SPDL1: variants seen among roughly 807,000 people sequenced by gnomAD.
The protein encoded by SPDL1 is spindle apparatus coiled-coil protein 1.
Under a neutral mutation model 79.5 loss-of-function variants are expected in SPDL1, and 85 were observed. The observed-to-expected ratio is 1.07, with a 90% confidence interval of 0.90 to 1.28. The LOEUF (loss-of-function observed/expected upper bound fraction) is 1.28, where lower values mean the gene tolerates loss of function less well. Ranked by LOEUF, SPDL1 falls within the 50% of genes most tolerant of loss-of-function variation. The probability of loss-of-function intolerance (pLI) is 0.00; values close to 1 mark genes in which losing one functional copy is unlikely to be tolerated. For missense variants in SPDL1, 703 were observed against 697.8 expected, an observed-to-expected ratio of 1.01 and a Z score of -0.08; for synonymous variants, 269 against 240.3, an observed-to-expected ratio of 1.12 and a Z score of -1.10.
Position 169,594,696 on chromosome 5 carries a change from C to T in SPDL1, c.891+15C>T, listed in dbSNP as rs1292479479. 10 of 1,575,176 alleles carry T rather than the reference C, an allele frequency of 6.3e-6. No individual in the cohort carries two copies. The highest frequency in any genetic ancestry group is 8.7e-6 in the Non-Finnish European group (10 of 1,147,560). Reference sequence around the variant, plus strand: ...AGAGAATGAAGGTATAGAACTTTCACTATCAAAGGTTTATTAAACAAATTT... The same window carrying T: ...AGAGAATGAAGGTATAGAACTTTCATTATCAAAGGTTTATTAAACAAATTT... On this transcript the variant is annotated intron_variant, in intron 7 of 11. Transcript: ENST00000265295.
chr5:169,588,329 T>C, intron 1 of SPDL1, 65 bp from the exon 2 acceptor site: 1 of 1,104,544 alleles, frequency 9.1e-7, no homozygotes, highest in Non-Finnish European at 1.3e-6. Context: ...GTTTCTTCTG[T>C]TATTGATATT....
intron 4 of SPDL1, among the ~76,000 whole-genome samples, chr5:169,593,831 G>A (rs541702824): frequency 6.6e-6 from 1 of 152,254 alleles, no homozygotes; most frequent in African/African-American, 2.4e-5. Flanking sequence ...TATCGTAAGA[G>A]CCCAGTGTAA....
At chr5:169,594,767 T>C in intron 7 of SPDL1, 86 bp downstream of exon 7, 1 of 819,096 alleles carries the variant, frequency 1.2e-6, no homozygotes, top group East Asian at 2.6e-5. Flanking sequence ...ACTAGCTTTT[T>C]CTGCAAGGAG....
intron 3 of SPDL1, among the ~76,000 whole-genome samples, chr5:169,592,741 C>A (rs1470527937): frequency 6.7e-6 from 1 of 149,436 alleles, no homozygotes; most frequent in African/African-American, 2.5e-5. Context: ...GTTTTCATCA[C>A]CTAAACAAAA....
At chr5:169,597,575 CATCTT>C (rs1253466616) in intron 8 of SPDL1, among the ~76,000 whole-genome samples, 5 of 152,010 alleles carry the variant, frequency 3.3e-5, no homozygotes, top group Admixed American at 6.6e-5. Flanking sequence ...CATTTACAAA[CATCTT>C]GTCTAGCACC....
intron 3 of SPDL1, among the ~76,000 whole-genome samples, chr5:169,592,856 AT>A (rs905766994): frequency 8.2e-6 from 1 of 122,388 alleles, no homozygotes; most frequent in Non-Finnish European, 1.7e-5. Flanking sequence ...TTAGTGAAAT[AT>A]TTTGTTTTAC....
At chr5:169,597,576 A>G (rs7730272) in intron 8 of SPDL1, among the ~76,000 whole-genome samples, 15,903 of 152,096 alleles carry the variant, frequency 0.1, 1,456 homozygotes, top group African/African-American at 0.25. Context: ...ATTTACAAAC[A>G]TCTTGTCTAG....
intron 10 of SPDL1, among the ~76,000 whole-genome samples, chr5:169,600,428 T>C (rs1339484654): frequency 6.6e-6 from 1 of 152,158 alleles, no homozygotes; most frequent in African/African-American, 2.4e-5. Flanking sequence ...CCTGATAATG[T>C]GGGTTTCAAA....
chr5:169,598,980 T>C lies in SPDL1; in HGVS notation c.1145T>C (p.Ile382Thr), dbSNP rs759181776. Residue 382 changes from isoleucine (I) to threonine (T), a missense_variant, in exon 10 of 12, where the codon ATT (isoleucine) becomes ACT (threonine). Physicochemically the swap from Ile to Thr is moderately conservative, Grantham distance 89 (BLOSUM62 -1). Coordinates refer to ENST00000265295, the MANE Select transcript of SPDL1 (RefSeq NM_017785.5). ...QMKLDNLNKE[I>T]ESTKGELSIQ... The stretch of plus-strand genomic sequence containing the variant: ...CTTTTTTATTATCATAGCAAAGAAA[T>C]TGAAAGCACTAAAGGTGAATTGTCC... The C allele has an allele frequency of 6.5e-6, 10 of 1,534,706 alleles. No homozygotes were observed. The East Asian group carries it at 2.1e-4, about 32-fold the overall frequency.
rs192201904 is a variant in SPDL1, at chr5:169,598,897, G to A, written c.1137-75G>A. The A allele has an allele frequency of 3.7e-4, 546 of 1,466,196 alleles. 9 individuals carry two copies. In the East Asian group the frequency reaches 3.8e-3, roughly 10 times the overall value. The allele number at this position is 1,466,196 out of a possible 1,614,324, so 90.8% of individuals were successfully genotyped here. On this transcript the variant is annotated intron_variant, in intron 9 of 11. Coordinates refer to ENST00000265295, the MANE Select transcript of SPDL1 (RefSeq NM_017785.5). ...TTTTTAACTAAGAATTCAAATATGCGATGAAATATTTATACCACTACACTT... is the reference window on the plus strand; with the variant it reads ...TTTTTAACTAAGAATTCAAATATGCAATGAAATATTTATACCACTACACTT...
chr5:169,590,202 AAAT>A (rs1174155997), intron 2 of SPDL1, among the ~76,000 whole-genome samples: 1 of 152,236 alleles, frequency 6.6e-6, no homozygotes, highest in African/African-American at 2.4e-5. Context: ...GGCAGGTAAA[AAAT>A]ATCTGTAGCA....
At position 169,588,383 on chromosome 5, in the gene SPDL1, T is replaced by C. The variant is rs747068050; in HGVS notation, c.-23-11T>C. On this transcript the variant is annotated splice_polypyrimidine_tract_variant and intron_variant, in intron 1 of 11. Coordinates refer to ENST00000265295, the MANE Select transcript of SPDL1 (RefSeq NM_017785.5). ...TATAAGCTTAAGTAGTTTTATTTCC[T>C]CTATTTACAGTTGGCTAAAAAAAAG... 2 of 1,565,114 alleles carry C rather than the reference T, an allele frequency of 1.3e-6. No homozygotes were observed. The highest frequency in any genetic ancestry group is 8.6e-7 in the Non-Finnish European group (1 of 1,158,956).
chr5:169,597,345 T>C (rs1413493286), intron 8 of SPDL1, among the ~76,000 whole-genome samples: 1 of 152,048 alleles, frequency 6.6e-6, no homozygotes, highest in East Asian at 1.9e-4. Flanking sequence ...TTGATCCCAG[T>C]GATTTGAGTT....
At chr5:169,584,214 A>G (rs1213713942) in intron 1 of SPDL1, 2 of 152,244 alleles carry the variant, frequency 1.3e-5, no homozygotes, top group Non-Finnish European at 1.5e-5. Flanking sequence ...GATGGGAGAT[A>G]CATATTGGGT....
intron 7 of SPDL1, among the ~76,000 whole-genome samples, 182 bp downstream of exon 7, chr5:169,594,863 T>C (rs955112856): frequency 3.2e-4 from 49 of 152,356 alleles, no homozygotes; most frequent in Admixed American, 2.6e-3. Context: ...TTAAAAATCT[T>C]GGAATAAATA....
At chr5:169,601,714 T>G (rs1250216572) in intron 11 of SPDL1, 89 bp downstream of exon 11, 3 of 1,178,122 alleles carry the variant, frequency 2.5e-6, no homozygotes, top group Non-Finnish European at 3.7e-6. Flanking sequence ...TTTCTTTATC[T>G]ACTTTCTTAC....
intron 4 of SPDL1, 93 bp downstream of exon 4, chr5:169,593,641 G>C: frequency 2.3e-6 from 3 of 1,295,492 alleles, no homozygotes; most frequent in Non-Finnish European, 3.1e-6. Context: ...GAGCTAGTTT[G>C]AAGGCTGAAA....
chr5:169,596,676 A>T lies in SPDL1; in HGVS notation c.1007A>T (p.Glu336Val), dbSNP rs1194755949. The T allele has an allele frequency of 6.3e-7, 1 of 1,597,498 alleles. No homozygotes were observed. Among genetic ancestry groups the T allele is most frequent in the Admixed American group, 1.8e-5 (1 of 54,432 alleles). Residue 336 changes from glutamate (E) to valine (V), a missense_variant, in exon 8 of 12, where the codon GAA becomes GTA. By Grantham distance (121) the Glu-to-Val change is moderately radical (BLOSUM62 -2). Coordinates refer to ENST00000265295, the MANE Select transcript of SPDL1 (RefSeq NM_017785.5). ...KNGEIKHLLG[E>V]IRNLEKFKNL... ...GGTGAAATAAAACATCTTTTAGGTG[A>T]AATTAGAAATCTGGAGAAATTTAAG... is the stretch of plus-strand genomic sequence containing the variant.
intron 3 of SPDL1, among the ~76,000 whole-genome samples, chr5:169,592,367 G>A (rs559853360): frequency 3.3e-5 from 5 of 151,646 alleles, no homozygotes; most frequent in South Asian, 2.1e-4. Flanking sequence ...ACAGGTGTGC[G>A]CCACCACGCC....
Sources: allele counts gnomAD v4.1 joint callset (sites outside exome capture counted in the v4.1 genomes callset), GRCh38; gene constraint gnomAD v4.1.1; transcripts MANE v1.5; gene names NCBI Gene and HGNC (gene_info 2026-07-23, HGNC 2026-07-21).